The following NSG1 variants were observed in gnomAD, a reference collection of about 807,000 sequenced individuals.
NSG1 encodes the protein neuronal vesicle trafficking-associated protein 1.
In NSG1, 9 loss-of-function variants were observed where a neutral mutation model predicts 19.3. The observed-to-expected ratio is 0.47, with a 90% confidence interval of 0.28 to 0.81. The LOEUF is 0.81. NSG1 is among the 40% of genes least tolerant of loss of function. NSG1 has a pLI of 0.11. For missense variants in NSG1, 236 were observed against 242.4 expected, an observed-to-expected ratio of 0.97 and a Z score of 0.18; for synonymous variants, 104 against 107.0, an observed-to-expected ratio of 0.97 and a Z score of 0.17.
chr4:4,413,579 G>C (rs1175019217), intron 4 of NSG1, among the ~76,000 whole-genome samples: 2 of 151,456 alleles, frequency 1.3e-5, no homozygotes, highest in Non-Finnish European at 2.9e-5. Context: ...GAGCACAGAG[G>C]GAGCAGCGGG....
chr4:4,397,656 G>C (rs62287946), intron 3 of NSG1, among the ~76,000 whole-genome samples: 1 of 152,194 alleles, frequency 6.6e-6, no homozygotes, highest in African/African-American at 2.4e-5. Context: ...GGCCCAGGTG[G>C]GGCCCTTCTG....
intron 3 of NSG1, among the ~76,000 whole-genome samples, chr4:4,398,504 A>AT (rs1723388940): frequency 5.3e-5 from 8 of 151,772 alleles, no homozygotes; most frequent in Admixed American, 3.3e-4. Flanking sequence ...TGACTTACCT[A>AT]TTCTAGACAT....
chr4:4,409,875 A>G (rs905773522), intron 4 of NSG1, among the ~76,000 whole-genome samples, 192 bp downstream of exon 4: 1 of 152,176 alleles, frequency 6.6e-6, no homozygotes, highest in Non-Finnish European at 1.5e-5. Context: ...CAGGGGGCAC[A>G]TGAGACCCAC....
At chr4:4,407,518 C>G (rs1051522929) in intron 3 of NSG1, among the ~76,000 whole-genome samples, 1 of 152,098 alleles carries the variant, frequency 6.6e-6, no homozygotes, top group Non-Finnish European at 1.5e-5. Context: ...CCCCTGGGAC[C>G]AATGAATCTG....
At chr4:4,402,380 T>A (rs1351067617) in intron 3 of NSG1, among the ~76,000 whole-genome samples, 4 of 81,800 alleles carry the variant, frequency 4.9e-5, no homozygotes, top group South Asian at 8.0e-4. Flanking sequence ...TATTTTTTTT[T>A]TTTTTTTTTT....
At chr4:4,387,564 G>T (rs1722792191) in intron 1 of NSG1, 40 bp from the exon 2 acceptor site, 3 of 1,279,336 alleles carry the variant, frequency 2.3e-6, no homozygotes, top group Non-Finnish European at 3.3e-6. Flanking sequence ...CCCGCCCCGG[G>T]TCTTGCTTGT....
chr4:4,416,532 A>G (rs1293334464), intron 4 of NSG1, among the ~76,000 whole-genome samples: 1 of 152,102 alleles, frequency 6.6e-6, no homozygotes, highest in Admixed American at 6.5e-5. Context: ...ACAGCTGCCA[A>G]AACAGGGAAA....
rs972257950 is a variant in NSG1, at chr4:4,414,708, C to G, written c.358-2527C>G. Among the ~76,000 whole-genome samples, 7 of 152,250 alleles carry G rather than the reference C, an allele frequency of 4.6e-5. No individual in the cohort carries two copies. The South Asian group carries it at 1.0e-3, about 23-fold the overall frequency. ...GGTTAGAGGGTGTACAGAGGCTCTT[C>G]GTGGAGCCCAAGGTCACGCCCTTCA... is the stretch of plus-strand genomic sequence containing the variant. On this transcript the variant is annotated intron_variant, in intron 4 of 4. Transcript: ENST00000621129.
chr4:4,386,802 G>A (rs527459860), upstream of NSG1: 1 of 152,608 alleles, frequency 6.6e-6, no homozygotes. Context: ...CTCCCGCTCC[G>A]GGCGCCCTCC....
intron 4 of NSG1, among the ~76,000 whole-genome samples, chr4:4,412,711 T>C (rs546122671): frequency 6.6e-6 from 1 of 152,194 alleles, no homozygotes; most frequent in African/African-American, 2.4e-5. Flanking sequence ...ACTCGGTAGC[T>C]GTGGGCTCCC....
At chr4:4,388,567 T>G (rs1328724341) in intron 2 of NSG1, among the ~76,000 whole-genome samples, 3 of 152,244 alleles carry the variant, frequency 2.0e-5, no homozygotes, top group Admixed American at 2.0e-4. Context: ...TCTAAGACCA[T>G]AGACACAGCA....
chr4:4,416,655 G>A lies in NSG1; in HGVS notation c.358-580G>A, dbSNP rs139362148. ...CTCTGTAAGACCCAAGTGCTGTCTCGCACTCCCCCAACCCACGGCCCCTCC... is the reference window on the plus strand; with the variant it reads ...CTCTGTAAGACCCAAGTGCTGTCTCACACTCCCCCAACCCACGGCCCCTCC... On this transcript the variant is annotated intron_variant, in intron 4 of 4. Transcript: ENST00000621129. Among the ~76,000 whole-genome samples the A allele has an allele frequency of 1.1e-4, 16 of 152,156 alleles. No homozygotes were observed. The South Asian group carries it at 2.3e-3, about 22-fold the overall frequency.
chr4:4,417,549 T>A lies in NSG1; in HGVS notation c.*114T>A. 2 of 1,003,972 alleles carry A rather than the reference T, an allele frequency of 2.0e-6. No individual in the cohort carries two copies. Among genetic ancestry groups the A allele is most frequent in the Non-Finnish European group, 2.9e-6 (2 of 683,082 alleles). 62.2% of individuals were successfully genotyped at this position (1,003,972 alleles called of 1,614,324 possible). On this transcript the variant is annotated 3_prime_UTR_variant, in exon 5 of 5. Coordinates refer to ENST00000621129, the MANE Select transcript of NSG1 (RefSeq NM_014392.5). ...TAGAGGTTACTCATTTACGGTGCAA[T>A]TGCTTCTGTTTGCTAATGCTGCTTT...
chr4:4,410,180 G>A (rs1223774669), intron 4 of NSG1, among the ~76,000 whole-genome samples: 1 of 152,184 alleles, frequency 6.6e-6, no homozygotes, highest in Non-Finnish European at 1.5e-5. Context: ...CTCCTGACCT[G>A]TGTCCCTCTC....
intron 3 of NSG1, among the ~76,000 whole-genome samples, chr4:4,402,379 T>TA (rs1278543883): frequency 3.2e-5 from 1 of 31,440 alleles, no homozygotes; most frequent in African/African-American, 1.8e-4. Context: ...TTATTTTTTT[T>TA]TTTTTTTTTT....
chr4:4,400,190 CTAACAGCATTGTT>C (rs1723473636), intron 3 of NSG1, among the ~76,000 whole-genome samples: 1 of 152,160 alleles, frequency 6.6e-6, no homozygotes, highest in Non-Finnish European at 1.5e-5. Flanking sequence ...GCATGTGGTC[CTAACAGCATTGTT>C]GAAGAGACTG....
At chr4:4,404,496 T>A (rs1480040774) in intron 3 of NSG1, among the ~76,000 whole-genome samples, 1 of 142,758 alleles carries the variant, frequency 7.0e-6, no homozygotes, top group Non-Finnish European at 1.5e-5. Flanking sequence ...AACCCGGGCT[T>A]ATCTCACTTT....
At chr4:4,407,430 G>A (rs976105719) in intron 3 of NSG1, among the ~76,000 whole-genome samples, 12 of 152,174 alleles carry the variant, frequency 7.9e-5, no homozygotes, top group Non-Finnish European at 1.3e-4. Context: ...GTAGCCAGGC[G>A]GAGTGCGAGA....
intron 1 of NSG1, 43 bp from the exon 2 acceptor site, chr4:4,387,561 C>CCCGG: frequency 2.6e-6 from 3 of 1,141,986 alleles, no homozygotes; most frequent in Non-Finnish European, 3.7e-6. Context: ...CGCCCCGCCC[C>CCCGG]GGGTCTTGCT....
Sources: gnomAD v4.1 joint callset for allele counts (sites outside exome capture counted in the v4.1 genomes callset) on GRCh38, gnomAD v4.1.1 for gene constraint, MANE v1.5 for transcripts, NCBI Gene and HGNC (gene_info 2026-07-23, HGNC 2026-07-21) for gene names.